The following AKAP1 variants were observed in gnomAD, a reference collection of about 807,000 sequenced individuals.
AKAP1 encodes the protein A-kinase anchor protein 1, mitochondrial.
In AKAP1, 32 loss-of-function variants were observed where a neutral mutation model predicts 79.8. The ratio of observed to expected loss-of-function variants is 0.40; its 90% confidence interval spans 0.30 to 0.54. AKAP1 has a LOEUF of 0.54. Among genes scored for constraint, AKAP1 ranks in the 20% least tolerant of loss-of-function variants. The pLI, the probability that AKAP1 is intolerant of heterozygous loss-of-function variation, is 0.47. For synonymous variants in AKAP1, 416 were observed against 466.7 expected (o/e 0.89, Z 1.40); for missense variants, 961 against 1,138.9 (o/e 0.84, Z 2.25).
In AKAP1 at chr17:57,106,117, C is replaced by T; in HGVS notation, c.653C>T (p.Ala218Val). The T allele has an allele frequency of 1.9e-6, 3 of 1,606,588 alleles. No homozygotes were observed. Among genetic ancestry groups the T allele is most frequent in the Non-Finnish European group, 2.6e-6 (3 of 1,175,482 alleles). ...TTGGGGGAAAAGGTGCTTGAAGAAG[C>T]TCTGTTGTCTCGGGAGCATGTCTTG... ...AVLGEKVLEEALLSREHVLEL... is the reference protein window; with the variant it reads ...AVLGEKVLEEVLLSREHVLEL... Residue 218 changes from alanine to valine, a missense_variant, in exon 2 of 11, where the codon GCT (alanine) becomes GTT (valine). Transcript: ENST00000337714.
rs185843558 is a variant in AKAP1 at position 57,116,880 on chromosome 17, C to T, written c.2453C>T (p.Pro818Leu). The T allele has an allele frequency of 2.2e-5, 36 of 1,614,072 alleles. No homozygotes were observed. Among genetic ancestry groups the T allele is most frequent in the African/African-American group, 2.7e-5 (2 of 74,934 alleles). Residue 818 changes from proline (P) to leucine (L), a missense_variant, in exon 8 of 11, where the codon CCG (proline) becomes CTG (leucine). This residue lies in a region of AKAP1 where 629 missense variants were observed against 781.1 expected (regional missense o/e 0.81). Transcript: ENST00000337714. ...RQIRSDFVTL[P>L]FQGAEVLLDS... ...CCCAGGTCTGACTTTGTCACCCTGCCGTTTCAGGGAGCAGAAGTCCTTCTG... is the reference window on the plus strand; with the variant it reads ...CCCAGGTCTGACTTTGTCACCCTGCTGTTTCAGGGAGCAGAAGTCCTTCTG...
At chr17:57,107,291 T>G (rs1914956801) in intron 2 of AKAP1, 113 bp downstream of exon 2, 3 of 1,441,890 alleles carry the variant, frequency 2.1e-6, no homozygotes, top group Non-Finnish European at 2.8e-6. Flanking sequence ...CATAGTGCTC[T>G]TCAGCTCTTT....
At chr17:57,100,016 G>A (rs1322888141) in intron 1 of AKAP1, among the ~76,000 whole-genome samples, 1 of 152,138 alleles carries the variant, frequency 6.6e-6, no homozygotes, top group African/African-American at 2.4e-5. Flanking sequence ...GACCCCTTGG[G>A]ATCAACTTTT....
At position 57,107,073 on chromosome 17, in the gene AKAP1, C is replaced by A. The variant is rs1297115787; in HGVS notation, c.1609C>A (p.Pro537Thr). The change falls in exon 2 of 11, where the codon CCA becomes ACA. Residue 537 changes from proline (P) to threonine (T), a missense_variant. Pro to Thr is a conservative substitution (Grantham distance 38). This residue lies in a region of AKAP1 where 629 missense variants were observed against 781.1 expected (regional missense o/e 0.81). Coordinates refer to ENST00000337714, the MANE Select transcript of AKAP1 (RefSeq NM_003488.4). ...PRDKAITPPLPESTVPFSNGV... is the reference protein window; with the variant it reads ...PRDKAITPPLTESTVPFSNGV... The stretch of plus-strand genomic sequence containing the variant: ...GGACAAGGCCATCACCCCGCCACTG[C>A]CAGAAAGTACTGTGCCCTTCAGCAA... 1 of 1,614,032 alleles carries A rather than the reference C, an allele frequency of 6.2e-7. No homozygotes were observed. The highest frequency in any genetic ancestry group is 8.5e-7 in the Non-Finnish European group (1 of 1,180,054).
intron 2 of AKAP1, 36 bp downstream of exon 2, chr17:57,107,214 G>A (rs370307340): frequency 9.8e-5 from 151 of 1,545,810 alleles, no homozygotes; most frequent in African/African-American, 6.9e-4. Flanking sequence ...AGGATGGGGC[G>A]CTCCCAGTAT....
chr17:57,088,053 A>G (rs1415919962), intron 1 of AKAP1, among the ~76,000 whole-genome samples: 1 of 152,178 alleles, frequency 6.6e-6, no homozygotes, highest in Non-Finnish European at 1.5e-5. Context: ...ATGGGGAGGT[A>G]GTAGATCCTG....
chr17:57,116,143 G>A lies in AKAP1; in HGVS notation c.2314G>A (p.Gly772Arg), dbSNP rs549771245. ...TVICAAPGAD[G>R]AWWRAQVVAS... ...CATCTGTGCCGCCCCTGGTGCGGAC[G>A]GGGCCTGGTGGCGAGCCCAAGTGGT... Residue 772 changes from glycine (G) to arginine (R), a missense_variant, in exon 7 of 11, where the codon GGG becomes AGG. Physicochemically the swap from Gly to Arg is moderately radical, Grantham distance 125 (BLOSUM62 -2). This residue lies in a region of AKAP1 where 629 missense variants were observed against 781.1 expected (regional missense o/e 0.81). Transcript: ENST00000337714. 6.8e-6 allele frequency: 11 copies of A among 1,613,854 alleles called. No individual in the cohort carries two copies. Among genetic ancestry groups the A allele is most frequent in the South Asian group, 3.3e-5 (3 of 91,092 alleles).
chr17:57,090,445 C>T (rs2144627004), intron 1 of AKAP1, among the ~76,000 whole-genome samples: 2 of 152,188 alleles, frequency 1.3e-5, no homozygotes, highest in Middle Eastern at 6.8e-3. Context: ...GCTGGACTGG[C>T]TTGGACCTGG....
intron 1 of AKAP1, chr17:57,095,096 T>C (rs1300051749): frequency 6.6e-6 from 1 of 152,124 alleles, no homozygotes; most frequent in Non-Finnish European, 1.5e-5. Flanking sequence ...CACTTCCATG[T>C]CCTATGGACA....
At position 57,086,797 on chromosome 17, in the gene AKAP1, CT is replaced by C. The variant is rs11373952; in HGVS notation, c.-25+1411del. On this transcript the variant is annotated intron_variant, in intron 1 of 10. Transcript: ENST00000337714. The surrounding 1 kb of genome is among the most constrained non-coding windows in gnomAD (Gnocchi z 5.1). ...TGCTAAGTCCTTCCCAAATTAGTAC[CT>C]TTTTTTTTTTTAACTCTTTATTTAG... 7.4e-5 allele frequency among the ~76,000 whole-genome samples: 11 copies of C among 148,150 alleles called. No individual in the cohort carries two copies. Among genetic ancestry groups the C allele is most frequent in the Non-Finnish European group, 1.0e-4 (7 of 66,914 alleles).
intron 1 of AKAP1, among the ~76,000 whole-genome samples, chr17:57,101,284 C>T (rs1026330608): frequency 4.6e-5 from 7 of 152,234 alleles, no homozygotes; most frequent in African/African-American, 1.7e-4. Context: ...CTGCAACCTC[C>T]GCCTCCCTGG....
intron 1 of AKAP1, among the ~76,000 whole-genome samples, chr17:57,099,295 C>A (rs972390905): frequency 2.0e-5 from 3 of 152,178 alleles, no homozygotes; most frequent in Non-Finnish European, 4.4e-5. Flanking sequence ...TCTCTGTTCT[C>A]AAGTGCTGGT....
In AKAP1 at chr17:57,090,891, A is replaced by G. The variant is rs140540771; in HGVS notation, c.-25+5493A>G. On this transcript the variant is annotated intron_variant, in intron 1 of 10. Transcript: ENST00000337714. ...ATCCTGAAGTCACTAATTTCCCGAC[A>G]CCTGTCAGACCTCACTTGGAGGTCA... Among the ~76,000 whole-genome samples, 94 of 152,310 alleles carry G rather than the reference A, an allele frequency of 6.2e-4. 1 individual carries two copies. The highest frequency in any genetic ancestry group is 2.2e-3 in the African/African-American group (90 of 41,578).
At chr17:57,119,785 G>A (rs982050065) in intron 10 of AKAP1, among the ~76,000 whole-genome samples, 1 of 139,598 alleles carries the variant, frequency 7.2e-6, no homozygotes, top group Admixed American at 7.6e-5. Context: ...TTAAATAAAT[G>A]TTCCTGTTGG....
chr17:57,094,790 TTTTTTTGTAGAGATGAGGTC>T (rs1184487942), intron 1 of AKAP1: 2 of 151,964 alleles, frequency 1.3e-5, no homozygotes, highest in East Asian at 3.9e-4. Context: ...CTTTTAAATT[TTTTTTTGTAGAGATGAGGTC>T]TCACCACATT....
In AKAP1 at chr17:57,106,204, A is replaced by G; in HGVS notation, c.740A>G (p.Lys247Arg). Residue 247 changes from lysine to arginine, a missense_variant, in exon 2 of 11, where the codon AAG becomes AGG. Lys to Arg is a conservative substitution (Grantham distance 26). This residue lies in a region of AKAP1 where 224 missense variants were observed against 210.2 expected (regional missense o/e 1.07). Transcript: ENST00000337714. ...TTAGAGGGGGAAGAAGATAAGGGGA[A>G]GAGCAGCTCATCCCAGGTGGTGGGG... ...ASLEGEEDKG[K>R]SSSSQVVGPV... The G allele has an allele frequency of 6.2e-7, 1 of 1,614,178 alleles. No individual in the cohort carries two copies. The highest frequency in any genetic ancestry group is 8.5e-7 in the Non-Finnish European group (1 of 1,180,032).
At chr17:57,110,417 C>T (rs1459046627) in intron 3 of AKAP1, among the ~76,000 whole-genome samples, 1 of 152,148 alleles carries the variant, frequency 6.6e-6, no homozygotes, top group Non-Finnish European at 1.5e-5. Context: ...CTGTGTGTCT[C>T]CCTTGGGGGT....
chr17:57,102,621 C>T (rs1914591574), intron 1 of AKAP1, among the ~76,000 whole-genome samples: 1 of 151,912 alleles, frequency 6.6e-6, no homozygotes. Context: ...CCCGCCACAA[C>T]TCCCGGCTCT....
Position 57,121,163 on chromosome 17 carries a change from G to T in AKAP1, c.*839G>T, listed in dbSNP as rs1597997767. ...CTGTGGCTTCCTGCACACTGGACAG[G>T]TGACTGTATGGTAGAGACTGTGATC... On this transcript the variant is annotated 3_prime_UTR_variant, in exon 11 of 11. Transcript: ENST00000337714. The T allele has an allele frequency of 6.6e-6, 1 of 152,124 alleles. No individual in the cohort carries two copies. The highest frequency in any genetic ancestry group is 2.4e-5 in the African/African-American group (1 of 41,394). 9.4% of individuals were successfully genotyped at this position (152,124 alleles called of 1,614,324 possible).
Sources: allele counts gnomAD v4.1 joint callset (sites outside exome capture counted in the v4.1 genomes callset), GRCh38; gene constraint gnomAD v4.1.1; regional missense constraint gnomAD v4.1.1; non-coding constraint Gnocchi (gnomAD v3.1); transcripts MANE v1.5; gene names NCBI Gene and HGNC (gene_info 2026-07-23, HGNC 2026-07-21).